The following PAM variants were observed in gnomAD, a reference collection of about 807,000 sequenced individuals.
PAM encodes the protein peptidyl-glycine alpha-amidating monooxygenase.
PAM carries 72 observed loss-of-function variants against 122.1 expected under a neutral mutation model. The ratio of observed to expected loss-of-function variants is 0.59; its 90% CI spans 0.49 to 0.72. The LOEUF is 0.72. Among genes scored for constraint, PAM ranks in the 30% least tolerant of loss-of-function variants. The probability of loss-of-function intolerance (pLI) is 0.00; values close to 1 mark genes in which losing one functional copy is unlikely to be tolerated. For missense variants in PAM, 1,106 were observed against 1,183.7 expected (o/e 0.93, Z 0.96); for synonymous variants, 389 against 404.4 (o/e 0.96, Z 0.46).
intron 18 of PAM, among the ~76,000 whole-genome samples, chr5:103,006,432 A>G (rs1296768805): frequency 6.6e-6 from 1 of 152,212 alleles, no homozygotes; most frequent in East Asian, 1.9e-4. Flanking sequence ...CTTGGAAAAC[A>G]TCATCTCAGT....
At chr5:102,932,199 TATATTATGTG>T (rs1171749193) in intron 7 of PAM, among the ~76,000 whole-genome samples, 5 of 152,162 alleles carry the variant, frequency 3.3e-5, no homozygotes, top group African/African-American at 1.2e-4. Context: ...CATTTTAGAA[TATATTATGTG>T]TCTTTCCTGG....
At position 102,974,125 on chromosome 5, in the gene PAM, A is replaced by G. The variant is rs1420421974; in HGVS notation, c.1172A>G (p.Tyr391Cys). 6 of 1,611,794 alleles carry G rather than the reference A, an allele frequency of 3.7e-6. No homozygotes were observed. The African/African-American group carries it at 4.0e-5, about 11-fold the overall frequency. ...TCTCTTTTTTCCACAGGTGATTTCT[A>G]TTCACTACTTTCCAAGCTGCTAGGA... ...EEEVLDQGDF[Y>C]SLLSKLLGER... Residue 391 changes from tyrosine to cysteine, a missense_variant, in exon 15 of 26, where the codon TAT (tyrosine) becomes TGT (cysteine). Around this residue, in one of 3 missense-constraint regions of PAM, gnomAD observed 670 missense variants for 690.3 expected, o/e 0.97. Coordinates refer to ENST00000438793, the MANE Select transcript of PAM (RefSeq NM_001177306.2).
chr5:102,764,385 A>T (rs1413752255), intron 1 of PAM, among the ~76,000 whole-genome samples: 1 of 152,104 alleles, frequency 6.6e-6, no homozygotes, highest in African/African-American at 2.4e-5. Flanking sequence ...CCTCTTACAC[A>T]GGATGGTCAA....
chr5:103,030,342 G>A (rs998792802), downstream of PAM: 4 of 152,086 alleles, frequency 2.6e-5, no homozygotes, highest in Admixed American at 2.0e-4. Flanking sequence ...CGTCTTTTTC[G>A]TAATTCGTCA....
intron 12 of PAM, among the ~76,000 whole-genome samples, chr5:102,953,870 G>A (rs911684687): frequency 4.6e-5 from 7 of 152,042 alleles, no homozygotes; most frequent in Non-Finnish European, 7.4e-5. Flanking sequence ...AAAATTAGTC[G>A]GGCATGATGG....
chr5:102,898,535 T>G (rs1796806001), intron 3 of PAM, among the ~76,000 whole-genome samples: 1 of 151,774 alleles, frequency 6.6e-6, no homozygotes, highest in East Asian at 1.9e-4. Context: ...TGATCTGAGT[T>G]ATGTATATAT....
chr5:102,933,993 C>T (rs1251420704), intron 7 of PAM, among the ~76,000 whole-genome samples: 2 of 152,212 alleles, frequency 1.3e-5, no homozygotes, highest in East Asian at 3.9e-4. Context: ...GCACAAGTAG[C>T]TTCCTCCTAC....
At chr5:102,866,356 G>A in intron 2 of PAM, 72 bp downstream of exon 2, 1 of 981,726 alleles carries the variant, frequency 1.0e-6, no homozygotes, top group Non-Finnish European at 1.6e-6. Context: ...GAACCTGAGT[G>A]TTGGCAAAAT....
At chr5:102,876,043 GTTCTC>G (rs921829580) in intron 3 of PAM, among the ~76,000 whole-genome samples, 94 of 152,218 alleles carry the variant, frequency 6.2e-4, no homozygotes, top group African/African-American at 2.1e-3. Context: ...ATAAACAAGA[GTTCTC>G]TTATTTGGAA....
At chr5:102,868,894 A>G (rs542351006) in intron 3 of PAM, among the ~76,000 whole-genome samples, 1 of 152,320 alleles carries the variant, frequency 6.6e-6, no homozygotes, top group East Asian at 1.9e-4. Flanking sequence ...GGAATTGATT[A>G]TAAAAAGTCA....
intron 3 of PAM, among the ~76,000 whole-genome samples, chr5:102,868,589 G>A (rs1237796444): frequency 6.6e-6 from 1 of 152,198 alleles, no homozygotes; most frequent in Non-Finnish European, 1.5e-5. Flanking sequence ...GAGACTAGGA[G>A]AGAAGAACAA....
chr5:102,995,463 G>A (rs1297777759), intron 16 of PAM, among the ~76,000 whole-genome samples: 1 of 152,006 alleles, frequency 6.6e-6, no homozygotes. Flanking sequence ...AGAAAATCAC[G>A]TTTTTTTGAA....
chr5:102,762,669 C>A (rs1279149525), intron 1 of PAM, among the ~76,000 whole-genome samples: 3 of 152,040 alleles, frequency 2.0e-5, no homozygotes, highest in African/African-American at 7.2e-5. Flanking sequence ...AAAGCGGTAA[C>A]AATGAGGGTT....
intron 14 of PAM, among the ~76,000 whole-genome samples, chr5:102,964,802 A>G (rs1441311012): frequency 1.3e-5 from 2 of 151,856 alleles, no homozygotes; most frequent in African/African-American, 4.8e-5. Context: ...TTTAAAAAAT[A>G]TACCTTGAAT....
intron 1 of PAM, among the ~76,000 whole-genome samples, chr5:102,803,921 C>T (rs913688882): frequency 3.3e-5 from 5 of 152,004 alleles, no homozygotes; most frequent in African/African-American, 1.2e-4. Context: ...GTGCAGTTCT[C>T]AAGGTTAAGA....
chr5:102,892,923 G>A (rs928106309), intron 3 of PAM, among the ~76,000 whole-genome samples: 1 of 151,694 alleles, frequency 6.6e-6, no homozygotes, highest in Non-Finnish European at 1.5e-5. Context: ...GAGTCTCACA[G>A]TTTATAGACT....
intron 7 of PAM, among the ~76,000 whole-genome samples, chr5:102,927,932 G>A (rs1320352766): frequency 6.6e-6 from 1 of 152,116 alleles, no homozygotes; most frequent in African/African-American, 2.4e-5. Flanking sequence ...AGTGCTGAGA[G>A]AAGGTTTTGC....
intron 1 of PAM, among the ~76,000 whole-genome samples, chr5:102,768,683 T>C (rs1367257654): frequency 6.6e-6 from 1 of 152,214 alleles, no homozygotes; most frequent in Non-Finnish European, 1.5e-5. Context: ...TTCTCTTTTA[T>C]GGCTAAATAG....
Position 102,960,067 on chromosome 5 carries a change from T to C in PAM, c.1090+8T>C, listed in dbSNP as rs764125861. The C allele has an allele frequency of 2.1e-5, 31 of 1,454,314 alleles. No homozygotes were observed. The highest frequency in any genetic ancestry group is 2.7e-5 in the Non-Finnish European group (28 of 1,049,012). 90.1% of individuals were successfully genotyped at this position (1,454,314 alleles called of 1,614,324 possible). A position where few individuals can be genotyped will look rare whatever the true frequency, so the allele number is the denominator to read the frequency against. ...TGCATGAACATCATAAAGGTAATAATTGATGTTTAATATAAAGTAATATAT... is the reference window on the plus strand; with the variant it reads ...TGCATGAACATCATAAAGGTAATAACTGATGTTTAATATAAAGTAATATAT... On this transcript the variant is annotated splice_region_variant and intron_variant, in intron 13 of 25. Coordinates refer to ENST00000438793, the MANE Select transcript of PAM (RefSeq NM_001177306.2).
Sources: allele counts gnomAD v4.1 joint callset (sites outside exome capture counted in the v4.1 genomes callset), GRCh38; gene constraint gnomAD v4.1.1; regional missense constraint gnomAD v4.1.1; transcripts MANE v1.5; gene names NCBI Gene and HGNC (gene_info 2026-07-23, HGNC 2026-07-21).